STK3: variants seen among roughly 807,000 people sequenced by gnomAD.
The protein encoded by STK3 is serine/threonine kinase 3, also known as serine/threonine-protein kinase 3.
Under a neutral mutation model 58.0 loss-of-function variants are expected in STK3, and 41 were observed. The observed-to-expected ratio is 0.71, with a 90% CI of 0.55 to 0.92. STK3 has a LOEUF of 0.92. STK3 is among the 40% of genes least tolerant of loss of function. The pLI is 0.00. For missense variants in STK3, 479 were observed against 602.7 expected (o/e 0.79, Z 2.15); for synonymous variants, 170 against 191.0 (o/e 0.89, Z 0.91).
chr8:98,649,134 TA>T (rs1820661803), intron 6 of STK3, among the ~76,000 whole-genome samples: 1 of 152,150 alleles, frequency 6.6e-6, no homozygotes, highest in Non-Finnish European at 1.5e-5. Flanking sequence ...TATGTGTCAT[TA>T]GTCTATTGGG....
chr8:98,601,978 C>T (rs998106128), intron 6 of STK3, among the ~76,000 whole-genome samples: 1 of 152,102 alleles, frequency 6.6e-6, no homozygotes, highest in South Asian at 2.1e-4. Context: ...TCTGGGGTGA[C>T]GACAAGGCAC....
chr8:98,532,034 A>G (rs1209215745), intron 9 of STK3, among the ~76,000 whole-genome samples: 2 of 152,174 alleles, frequency 1.3e-5, no homozygotes, highest in African/African-American at 4.8e-5. Context: ...AGGCTGTTTC[A>G]CTTTCTTATC....
chr8:98,733,543 T>A (rs1412579543), intron 4 of STK3, among the ~76,000 whole-genome samples: 1 of 152,188 alleles, frequency 6.6e-6, no homozygotes, highest in Non-Finnish European at 1.5e-5. Flanking sequence ...ATCACCCCCA[T>A]CCGTAGAAAA....
chr8:98,741,061 T>C (rs1171658559), intron 4 of STK3, among the ~76,000 whole-genome samples: 1 of 152,156 alleles, frequency 6.6e-6, no homozygotes, highest in African/African-American at 2.4e-5. Context: ...TAAACATATA[T>C]GCACCCAATA....
At chr8:98,648,355 T>A (rs371685885) in intron 6 of STK3, among the ~76,000 whole-genome samples, 2 of 152,216 alleles carry the variant, frequency 1.3e-5, no homozygotes, top group East Asian at 3.8e-4. Context: ...GTATTCAACT[T>A]TTCCCACCTT....
chr8:98,673,212 A>G (rs1345849743), intron 6 of STK3, among the ~76,000 whole-genome samples: 1 of 152,340 alleles, frequency 6.6e-6, no homozygotes, highest in East Asian at 1.9e-4. Flanking sequence ...TCTACTTTAT[A>G]CAAGGATGAA....
intron 10 of STK3, among the ~76,000 whole-genome samples, chr8:98,521,029 C>T (rs1467521476): frequency 3.3e-5 from 5 of 152,162 alleles, no homozygotes; most frequent in Admixed American, 3.3e-4. Flanking sequence ...GGCAATGCTT[C>T]CTTTATTCAT....
Position 98,455,701 on chromosome 8 carries a change from C to T in STK3, c.*141G>A. The T allele has an allele frequency of 2.1e-6, 2 of 960,958 alleles. No individual in the cohort carries two copies. The highest frequency in any genetic ancestry group is 1.7e-5 in the South Asian group (1 of 58,960). The allele number at this position is 960,958 out of a possible 1,614,324, so 59.5% of individuals were successfully genotyped here. A position where few individuals can be genotyped will look rare whatever the true frequency, so the allele number is the denominator to read the frequency against. ...GTCAATTCTGCCTTTTGGGAATTTACCTGGGCATGTACCATTGTCACTTTT... is the reference window on the plus strand; with the variant it reads ...GTCAATTCTGCCTTTTGGGAATTTATCTGGGCATGTACCATTGTCACTTTT... On this transcript the variant is annotated 3_prime_UTR_variant, in exon 11 of 11. Coordinates refer to ENST00000419617, the MANE Select transcript of STK3 (RefSeq NM_006281.4).
rs187956932 is a variant in STK3, at chr8:98,801,268, T to A, written c.26+24247A>T. 5.5e-3 allele frequency among the ~76,000 whole-genome samples: 831 copies of A among 152,044 alleles called. 9 individuals carry two copies. The highest frequency in any genetic ancestry group is 0.019 in the African/African-American group (800 of 41,446). ...TCAAAACAGACCAATCAGCTCTCTATAAAATGGACCAATCAGTTCTCTGTG... is the reference window on the plus strand; with the variant it reads ...TCAAAACAGACCAATCAGCTCTCTAAAAAATGGACCAATCAGTTCTCTGTG... On this transcript the variant is annotated intron_variant, in intron 1 of 10. Transcript: ENST00000419617.
At chr8:98,389,880 C>T (rs139776223), upstream of STK3, among the ~76,000 whole-genome samples, 1 of 151,774 alleles carries the variant, frequency 6.6e-6, no homozygotes, top group Admixed American at 6.6e-5. Flanking sequence ...GGGAGAAGAA[C>T]CGGACAGCTA....
At chr8:98,926,648 C>T (rs1015626281) in intron 1 of STK3, among the ~76,000 whole-genome samples, 3 of 152,068 alleles carry the variant, frequency 2.0e-5, no homozygotes, top group African/African-American at 7.2e-5. Context: ...AAAGAATAAC[C>T]AGCAAAGAAA....
intron 3 of STK3, among the ~76,000 whole-genome samples, chr8:98,412,628 C>T (rs1384809039): frequency 6.6e-6 from 1 of 152,208 alleles, no homozygotes. Flanking sequence ...TTGCACAAAG[C>T]TCCTGTTTCT....
At chr8:98,802,054 C>G (rs1833591491) in intron 1 of STK3, among the ~76,000 whole-genome samples, 2 of 152,132 alleles carry the variant, frequency 1.3e-5, no homozygotes, top group Admixed American at 1.3e-4. Flanking sequence ...TGCCTGTAGT[C>G]CTAGCTATTG....
chr8:98,470,886 T>C (rs1820868398), intron 10 of STK3, among the ~76,000 whole-genome samples: 1 of 152,184 alleles, frequency 6.6e-6, no homozygotes, highest in Non-Finnish European at 1.5e-5. Flanking sequence ...CGTAAAATCT[T>C]TTATATCCCA....
chr8:98,484,000 T>A (rs765636989), intron 10 of STK3, among the ~76,000 whole-genome samples: 1 of 152,102 alleles, frequency 6.6e-6, no homozygotes, highest in Non-Finnish European at 1.5e-5. Context: ...TTTACTACCC[T>A]TTAAGAGCTG....
At chr8:98,646,921 C>T (rs1261851398) in intron 6 of STK3, among the ~76,000 whole-genome samples, 1 of 152,114 alleles carries the variant, frequency 6.6e-6, no homozygotes, top group African/African-American at 2.4e-5. Context: ...CTTTGCCCAC[C>T]CCGCCCCCAC....
At chr8:98,535,663 T>C (rs1421088375) in intron 9 of STK3, among the ~76,000 whole-genome samples, 2 of 152,146 alleles carry the variant, frequency 1.3e-5, no homozygotes, top group Non-Finnish European at 1.5e-5. Flanking sequence ...CAAACCATTA[T>C]TGGAGTAAAT....
intron 10 of STK3, among the ~76,000 whole-genome samples, chr8:98,483,608 G>A (rs1822011488): frequency 6.6e-6 from 1 of 152,116 alleles, no homozygotes; most frequent in African/African-American, 2.4e-5. Context: ...AATGCTGCAG[G>A]AAATTGATGT....
chr8:98,521,893 C>T (rs1825391735), intron 10 of STK3, among the ~76,000 whole-genome samples: 2 of 152,096 alleles, frequency 1.3e-5, no homozygotes, highest in South Asian at 2.1e-4. Context: ...ATCAAATCTC[C>T]CTCTTATTCA....
Sources: allele counts gnomAD v4.1 joint callset (sites outside exome capture counted in the v4.1 genomes callset), GRCh38; gene constraint gnomAD v4.1.1; transcripts MANE v1.5; gene names NCBI Gene and HGNC (gene_info 2026-07-23, HGNC 2026-07-21).